Variants in LCP2 observed in about 807,000 individuals in gnomAD.
LCP2 encodes 76 kDa tyrosine phosphoprotein.
A neutral mutation model predicts 74.5 loss-of-function variants in LCP2; 29 were observed. That is an observed-to-expected ratio of 0.39 (90% CI 0.29 to 0.53). The LOEUF is 0.53. LCP2 is among the 20% of genes least tolerant of loss of function. The probability of loss-of-function intolerance (pLI) is 0.72; values close to 1 mark genes in which losing one functional copy is unlikely to be tolerated. For synonymous variants in LCP2, 228 were observed against 229.5 expected, an observed-to-expected ratio of 0.99 and a Z score of 0.06; for missense variants, 604 against 634.6, an observed-to-expected ratio of 0.95 and a Z score of 0.52.
At chr5:170,274,449 G>T in intron 5 of LCP2, 111 bp from the exon 6 acceptor site, 1 of 1,104,090 alleles carries the variant, frequency 9.1e-7, no homozygotes, top group Non-Finnish European at 1.3e-6. Context: ...CCCTTCCCTG[G>T]CCTCCACCTA....
In LCP2 at chr5:170,246,900, C is replaced by T. The variant is rs140741694; in HGVS notation, c.*1797G>A. On this transcript the variant is annotated 3_prime_UTR_variant, in exon 21 of 21. Transcript: ENST00000046794. Reference sequence around the variant, plus strand: ...AGTCATGAAAACATTAGCTTCCCAACATTGATTTCAGTCATAGCCATGGAA... The same window carrying T: ...AGTCATGAAAACATTAGCTTCCCAATATTGATTTCAGTCATAGCCATGGAA... 33 of 152,332 alleles carry T rather than the reference C, an allele frequency of 2.2e-4. No individual in the cohort carries two copies. The highest frequency in any genetic ancestry group is 7.9e-4 in the African/African-American group (33 of 41,570). 9.4% of individuals were successfully genotyped at this position (152,332 alleles called of 1,614,324 possible).
intron 13 of LCP2, among the ~76,000 whole-genome samples, chr5:170,261,356 C>A (rs943690494): frequency 4.6e-5 from 7 of 151,472 alleles, no homozygotes; most frequent in Non-Finnish European, 8.8e-5. Context: ...CTAGGCAAAC[C>A]TTTGTTCTGC....
chr5:170,253,134 G>T lies in LCP2; in HGVS notation c.1230C>A (p.Ser410=). Residue 410 remains serine, a synonymous_variant, in exon 18 of 21, where the codon TCC becomes TCA. Coordinates refer to ENST00000046794, the MANE Select transcript of LCP2 (RefSeq NM_005565.5). ...GCTCTCTTACCTCTTCCTCCGCGGG[G>T]GATGGGGGCCGAGGTTTGTTTGGAA... ...LPLPNKPRPP[S]PAEEENSLNE... is the part of the protein sequence containing the mutation. 1 of 1,609,790 alleles carries T rather than the reference G, an allele frequency of 6.2e-7. No individual in the cohort carries two copies. The highest frequency in any genetic ancestry group is 8.5e-7 in the Non-Finnish European group (1 of 1,177,434).
intron 2 of LCP2, 59 bp from the exon 3 acceptor site, chr5:170,288,075 G>A (rs1045316807): frequency 6.5e-7 from 1 of 1,527,212 alleles, no homozygotes; most frequent in African/African-American, 1.4e-5. Context: ...CTCTGAGCAG[G>A]AGGGGAAGAG....
At chr5:170,282,788 C>T (rs1039049571) in intron 3 of LCP2, among the ~76,000 whole-genome samples, 16 of 152,322 alleles carry the variant, frequency 1.1e-4, no homozygotes, top group Admixed American at 6.5e-5. Flanking sequence ...AGCTAGCTTG[C>T]CCTCAAGTCT....
intron 7 of LCP2, among the ~76,000 whole-genome samples, chr5:170,270,226 A>G (rs563581643): frequency 2.0e-5 from 3 of 152,380 alleles, no homozygotes; most frequent in Non-Finnish European, 4.4e-5. Context: ...AAGGACAGAT[A>G]GACAATAAAA....
intron 15 of LCP2, among the ~76,000 whole-genome samples, chr5:170,258,654 A>G (rs984511223): frequency 1.3e-5 from 2 of 152,256 alleles, no homozygotes; most frequent in African/African-American, 2.4e-5. Flanking sequence ...CTGCACTGTT[A>G]CACATGAATT....
intron 17 of LCP2, among the ~76,000 whole-genome samples, chr5:170,254,422 G>A (rs565829560): frequency 7.9e-5 from 12 of 152,238 alleles, no homozygotes; most frequent in African/African-American, 2.6e-4. Flanking sequence ...CTCCTGAGCC[G>A]CATCATCAAG....
intron 6 of LCP2, 95 bp from the exon 7 acceptor site, chr5:170,271,012 G>C (rs1320394410): frequency 2.7e-6 from 3 of 1,123,902 alleles, no homozygotes; most frequent in Non-Finnish European, 2.5e-6. Flanking sequence ...CCTCACAACA[G>C]TATAACCCGG....
At chr5:170,271,646 C>T (rs1259793308) in intron 6 of LCP2, among the ~76,000 whole-genome samples, 1 of 151,942 alleles carries the variant, frequency 6.6e-6, no homozygotes, top group Non-Finnish European at 1.5e-5. Context: ...GGATGCTTGC[C>T]TTTGAAGCAG....
At chr5:170,250,083 G>A (rs966334683) in intron 20 of LCP2, among the ~76,000 whole-genome samples, 1 of 152,204 alleles carries the variant, frequency 6.6e-6, no homozygotes, top group South Asian at 2.1e-4. Flanking sequence ...TTCTGGACAT[G>A]TTTGATTCAG....
intron 15 of LCP2, chr5:170,258,499 G>T (rs542999621): frequency 1.2e-5 from 4 of 343,224 alleles, no homozygotes; most frequent in African/African-American, 6.2e-5. Context: ...TACAAGTTTT[G>T]TTTTATGAAA....
chr5:170,252,649 C>T, intron 18 of LCP2, 138 bp from the exon 19 acceptor site: 1 of 580,418 alleles, frequency 1.7e-6, no homozygotes, highest in Non-Finnish European at 3.1e-6. Flanking sequence ...TCTTAATTTG[C>T]ATTCAGAGTC....
At chr5:170,287,344 T>TTATAAAA (rs1231657114) in intron 3 of LCP2, among the ~76,000 whole-genome samples, 2 of 152,180 alleles carry the variant, frequency 1.3e-5, no homozygotes, top group Non-Finnish European at 2.9e-5. Context: ...ATTTTACCAT[T>TTATAAAA]TATAGCACCT....
chr5:170,282,503 G>A (rs1018006797), intron 3 of LCP2, among the ~76,000 whole-genome samples: 9 of 152,116 alleles, frequency 5.9e-5, no homozygotes, highest in Admixed American at 5.9e-4. Context: ...CCTACAGCTG[G>A]TGGGAGGCAA....
intron 14 of LCP2, among the ~76,000 whole-genome samples, chr5:170,259,237 A>C (rs998130695): frequency 6.6e-6 from 1 of 152,160 alleles, no homozygotes; most frequent in African/African-American, 2.4e-5. Flanking sequence ...GTGACCCCCC[A>C]AAAATTTAAC....
intron 2 of LCP2, among the ~76,000 whole-genome samples, chr5:170,292,216 GC>G (rs754975854): frequency 2.2e-4 from 33 of 152,190 alleles, no homozygotes; most frequent in Non-Finnish European, 4.1e-4. Flanking sequence ...GAACGAATAG[GC>G]GAATGAATGA....
rs2113159712 is a variant in LCP2 at position 170,258,122 on chromosome 5, A to C, written c.1015T>G (p.Ser339Ala). The C allele has an allele frequency of 1.2e-6, 2 of 1,613,852 alleles. No individual in the cohort carries two copies. The highest frequency in any genetic ancestry group is 1.3e-5 in the African/African-American group (1 of 75,038). The change falls in exon 16 of 21, where the codon TCC (serine) becomes GCC (alanine). Residue 339 changes from serine to alanine, a missense_variant. Physicochemically the swap from Ser to Ala is moderately conservative, Grantham distance 99. Transcript: ENST00000046794. ...GTAGATCTTGAAGGGAAAGTGTTGG[A>C]GCTCATAGGAAGTAGTGCTGGCTGG... is the stretch of plus-strand genomic sequence containing the variant. ...LPQPALLPMS[S>A]NTFPSRSTKP...
chr5:170,274,804 G>A (rs575757604), intron 5 of LCP2, among the ~76,000 whole-genome samples: 7 of 151,924 alleles, frequency 4.6e-5, no homozygotes, highest in Non-Finnish European at 1.0e-4. Flanking sequence ...GTGAAACCCC[G>A]TCTCTACTAA....
Sources: gnomAD v4.1 joint callset for allele counts (sites outside exome capture counted in the v4.1 genomes callset) on GRCh38, gnomAD v4.1.1 for gene constraint, MANE v1.5 for transcripts, NCBI Gene and HGNC (gene_info 2026-07-23, HGNC 2026-07-21) for gene names.